Variants in SYT1 observed in about 807,000 individuals in gnomAD.
The protein encoded by SYT1 is synaptotagmin 1, also known as synaptotagmin-1.
In SYT1, 8 loss-of-function variants were observed where a neutral mutation model predicts 44.8. The observed-to-expected ratio is 0.18, with a 90% CI of 0.10 to 0.32. The LOEUF is 0.32. Ranked by LOEUF, SYT1 falls within the 10% of genes least tolerant of loss-of-function variation. SYT1 has a pLI of 1.00. For missense variants in SYT1, 286 were observed against 509.3 expected (o/e 0.56, Z 4.22); for synonymous variants, 154 against 188.8 (o/e 0.82, Z 1.51).
At chr12:79,082,348 A>G (rs748925586) in intron 3 of SYT1, among the ~76,000 whole-genome samples, 1 of 152,170 alleles carries the variant, frequency 6.6e-6, no homozygotes, top group Non-Finnish European at 1.5e-5. Flanking sequence ...CAGGATAGCA[A>G]CTTTCCAGGG....
chr12:78,932,723 G>T (rs1305833624), intron 1 of SYT1, among the ~76,000 whole-genome samples: 1 of 151,744 alleles, frequency 6.6e-6, no homozygotes, highest in African/African-American at 2.4e-5. Flanking sequence ...CAAACTCTTC[G>T]AGAACTCATT....
chr12:79,423,599 C>G (rs1383072333), intron 9 of SYT1, among the ~76,000 whole-genome samples: 6 of 152,080 alleles, frequency 3.9e-5, no homozygotes, highest in Non-Finnish European at 7.4e-5. Context: ...TTACTCTTGG[C>G]TAAAAAACAT....
chr12:78,876,735 T>TTATATATTATATATTGTATATTA (rs1453193167), intron 1 of SYT1, among the ~76,000 whole-genome samples: 1 of 91,022 alleles, frequency 1.1e-5, no homozygotes, highest in East Asian at 3.3e-4. Flanking sequence ...TAATTATATA[T>TTATATATTATATATTGTATATTA]TATATATTAT....
intron 1 of SYT1, among the ~76,000 whole-genome samples, chr12:78,917,200 G>C (rs557386853): frequency 6.6e-6 from 1 of 152,054 alleles, no homozygotes; most frequent in African/African-American, 2.4e-5. Context: ...TGGCTACACA[G>C]AACAAATCTT....
chr12:79,348,596 C>T (rs1882708343), intron 8 of SYT1, among the ~76,000 whole-genome samples: 1 of 152,178 alleles, frequency 6.6e-6, no homozygotes, highest in African/African-American at 2.4e-5. Context: ...ACCTTTCAAA[C>T]ATTCACTTGG....
At chr12:79,234,359 C>T (rs1286427680) in intron 4 of SYT1, among the ~76,000 whole-genome samples, 1 of 152,202 alleles carries the variant, frequency 6.6e-6, no homozygotes, top group Non-Finnish European at 1.5e-5. Context: ...TAGTCATATA[C>T]AAGCAATGTA....
chr12:78,989,046 G>A (rs1368366681), intron 2 of SYT1, among the ~76,000 whole-genome samples: 1 of 152,108 alleles, frequency 6.6e-6, no homozygotes, highest in Non-Finnish European at 1.5e-5. Context: ...GAAAATAAGA[G>A]AGAAGGAATC....
chr12:78,911,399 A>G (rs1876317291), intron 1 of SYT1, among the ~76,000 whole-genome samples: 1 of 151,966 alleles, frequency 6.6e-6, no homozygotes, highest in South Asian at 2.1e-4. Flanking sequence ...GAAAGTATAC[A>G]ATAAAAAAAT....
intron 9 of SYT1, among the ~76,000 whole-genome samples, chr12:79,391,723 C>T (rs963637208): frequency 6.6e-6 from 1 of 152,118 alleles, no homozygotes; most frequent in Non-Finnish European, 1.5e-5. Context: ...GTAAGAATTA[C>T]AAATGATTAC....
At chr12:79,006,977 G>A (rs1166692661) in intron 2 of SYT1, among the ~76,000 whole-genome samples, 2 of 152,140 alleles carry the variant, frequency 1.3e-5, no homozygotes, top group African/African-American at 4.8e-5. Context: ...AAAGAAAGAA[G>A]TAGGTCTGTA....
intron 3 of SYT1, among the ~76,000 whole-genome samples, chr12:79,135,365 G>C (rs1435630175): frequency 1.3e-5 from 2 of 148,218 alleles, no homozygotes; most frequent in African/African-American, 5.0e-5. Flanking sequence ...ACTTTTATTT[G>C]TCAATTATAT....
At chr12:79,318,274 AC>A (rs1201681101) in intron 8 of SYT1, among the ~76,000 whole-genome samples, 9 of 151,880 alleles carry the variant, frequency 5.9e-5, no homozygotes, top group Admixed American at 3.9e-4. Flanking sequence ...TCACCGGGTG[AC>A]CCGTACTCTC....
intron 4 of SYT1, among the ~76,000 whole-genome samples, chr12:79,277,985 T>C (rs1878829694): frequency 6.6e-6 from 1 of 151,812 alleles, no homozygotes; most frequent in Admixed American, 6.6e-5. Context: ...TATATACACA[T>C]CTAACATCAG....
At chr12:79,349,033 AAAAG>A (rs764396345) in intron 8 of SYT1, among the ~76,000 whole-genome samples, 5,601 of 119,852 alleles carry the variant, frequency 0.047, 228 homozygotes, top group Admixed American at 0.13. Flanking sequence ...GAAAGAAAGA[AAAAG>A]AAAGAAAGAA....
intron 3 of SYT1, among the ~76,000 whole-genome samples, chr12:79,130,827 G>A (rs1868764742): frequency 6.6e-6 from 1 of 152,064 alleles, no homozygotes; most frequent in African/African-American, 2.4e-5. Context: ...ATTTATAGCA[G>A]GCTAACTTGT....
chr12:79,223,509 A>G (rs1280805250), intron 4 of SYT1, among the ~76,000 whole-genome samples: 2 of 152,190 alleles, frequency 1.3e-5, no homozygotes, highest in Non-Finnish European at 2.9e-5. Flanking sequence ...GGGCAGACCA[A>G]AGCCTGGGAC....
At chr12:79,407,338 G>T (rs1885278325) in intron 9 of SYT1, among the ~76,000 whole-genome samples, 1 of 152,080 alleles carries the variant, frequency 6.6e-6, no homozygotes, top group Admixed American at 6.6e-5. Context: ...GTTTTGAGAA[G>T]AAAAGATGCC....
chr12:79,017,127 A>G (rs1871859420), intron 2 of SYT1, among the ~76,000 whole-genome samples: 1 of 152,172 alleles, frequency 6.6e-6, no homozygotes, highest in Non-Finnish European at 1.5e-5. Flanking sequence ...AAACAACCTC[A>G]AGTCAGCTAC....
chr12:79,361,554 G>C (rs978949981), intron 9 of SYT1, among the ~76,000 whole-genome samples: 1 of 152,156 alleles, frequency 6.6e-6, no homozygotes, highest in Non-Finnish European at 1.5e-5. Context: ...ACATAAATCA[G>C]TTGGTTGACT....
Sources: gnomAD v4.1 joint callset for allele counts (sites outside exome capture counted in the v4.1 genomes callset) on GRCh38, gnomAD v4.1.1 for gene constraint, MANE v1.5 for transcripts, NCBI Gene and HGNC (gene_info 2026-07-23, HGNC 2026-07-21) for gene names.